The following AVL9 variants were observed in gnomAD, a reference collection of about 807,000 sequenced individuals.
AVL9 encodes late secretory pathway protein AVL9 homolog.
AVL9 carries 49 observed loss-of-function variants against 79.2 expected under a neutral mutation model. That is an observed-to-expected ratio of 0.62 (90% CI 0.49 to 0.79). AVL9 has a LOEUF of 0.79. AVL9 is among the 30% of genes least tolerant of loss of function. AVL9 has a pLI of 0.00. For synonymous variants in AVL9, 299 were observed against 280.6 expected (o/e 1.07, Z -0.65); for missense variants, 682 against 776.8 (o/e 0.88, Z 1.45).
intron 4 of AVL9, 96 bp downstream of exon 4, chr7:32,549,014 A>C: frequency 1.3e-6 from 1 of 754,928 alleles, no homozygotes; most frequent in Non-Finnish European, 2.0e-6. Flanking sequence ...GATTTAAATG[A>C]CATATTAAAA....
chr7:32,580,713 T>TTG (rs35499747), intron 14 of AVL9, 89 bp from the exon 15 acceptor site: 444,877 of 721,486 alleles, frequency 0.62, 138,940 homozygotes, highest in Admixed American at 0.72. Context: ...AGAGTGACTA[T>TTG]TGTGTGTGTG....
intron 1 of AVL9, among the ~76,000 whole-genome samples, chr7:32,516,095 G>C (rs1375245353): frequency 3.9e-5 from 6 of 152,176 alleles, no homozygotes; most frequent in Admixed American, 3.9e-4. Context: ...GGAGTTTCAA[G>C]AGTCATGGGC....
At chr7:32,510,674 G>A (rs546084823) in intron 1 of AVL9, among the ~76,000 whole-genome samples, 80 of 132,300 alleles carry the variant, frequency 6.0e-4, no homozygotes, top group African/African-American at 2.1e-3. Context: ...TTTGTGAGCC[G>A]TCAGGTCTGG....
intron 1 of AVL9, among the ~76,000 whole-genome samples, chr7:32,501,438 T>G (rs908549176): frequency 4.6e-5 from 7 of 152,242 alleles, no homozygotes; most frequent in South Asian, 2.1e-4. Flanking sequence ...GAAACAAGAT[T>G]GCATTTTCTG....
At chr7:32,570,626 CT>C (rs71559238) in intron 11 of AVL9, among the ~76,000 whole-genome samples, 21,861 of 144,488 alleles carry the variant, frequency 0.15, 2,007 homozygotes, top group Middle Eastern at 0.22. Context: ...AATCTTTTTT[CT>C]TTTTTTTTTT....
chr7:32,524,304 T>C (rs1788305670), intron 1 of AVL9, among the ~76,000 whole-genome samples: 1 of 151,918 alleles, frequency 6.6e-6, no homozygotes, highest in African/African-American at 2.4e-5. Context: ...TCACCTGAGG[T>C]CAGGAGTTTA....
intron 4 of AVL9, 42 bp downstream of exon 4, chr7:32,548,960 G>A: frequency 7.5e-7 from 1 of 1,327,482 alleles, no homozygotes; most frequent in Non-Finnish European, 1.0e-6. Flanking sequence ...AAACCTTCAT[G>A]GCAGATCTTT....
At chr7:32,578,522 AT>A (rs1791200314) in intron 13 of AVL9, among the ~76,000 whole-genome samples, 1 of 152,198 alleles carries the variant, frequency 6.6e-6, no homozygotes, top group African/African-American at 2.4e-5. Context: ...AAAATAACAA[AT>A]GTGGCCAGGC....
At chr7:32,527,382 C>T (rs768805761) in intron 1 of AVL9, among the ~76,000 whole-genome samples, 19 of 152,100 alleles carry the variant, frequency 1.2e-4, no homozygotes, top group Non-Finnish European at 2.5e-4. Context: ...GCAGATAGTT[C>T]TATATGTCTT....
chr7:32,540,138 C>G (rs1789110182), intron 1 of AVL9, among the ~76,000 whole-genome samples: 1 of 152,182 alleles, frequency 6.6e-6, no homozygotes, highest in Non-Finnish European at 1.5e-5. Flanking sequence ...ATCTGACATT[C>G]TTTTTAACAG....
chr7:32,496,685 C>T (rs2128108106), intron 1 of AVL9, among the ~76,000 whole-genome samples: 1 of 152,276 alleles, frequency 6.6e-6, no homozygotes, highest in African/African-American at 2.4e-5. Flanking sequence ...TAATTGCCAC[C>T]ACTAGCTAAT....
chr7:32,565,596 C>G (rs1290063659), intron 10 of AVL9, among the ~76,000 whole-genome samples: 1 of 150,946 alleles, frequency 6.6e-6, no homozygotes, highest in African/African-American at 2.4e-5. Flanking sequence ...TACCTCAATG[C>G]AATTATTGTC....
intron 2 of AVL9, among the ~76,000 whole-genome samples, chr7:32,544,377 C>T (rs1789371356): frequency 6.6e-6 from 1 of 152,156 alleles, no homozygotes; most frequent in African/African-American, 2.4e-5. Context: ...TCGTGTGTTG[C>T]TGTTGGCTTT....
chr7:32,540,873 T>A (rs1381207636), intron 1 of AVL9, among the ~76,000 whole-genome samples: 2 of 2,916 alleles, frequency 6.9e-4, no homozygotes, highest in Non-Finnish European at 1.7e-3. Context: ...TTGTACTACT[T>A]TTTTTTTTTT....
At chr7:32,524,253 C>T (rs1387283414) in intron 1 of AVL9, among the ~76,000 whole-genome samples, 4 of 152,036 alleles carry the variant, frequency 2.6e-5, no homozygotes, top group African/African-American at 4.8e-5. Flanking sequence ...CGGTGGCTCA[C>T]GCCTGTAATC....
chr7:32,524,721 T>A (rs1187922247), intron 1 of AVL9, among the ~76,000 whole-genome samples: 1 of 152,146 alleles, frequency 6.6e-6, no homozygotes, highest in African/African-American at 2.4e-5. Context: ...GGTTAGAAGC[T>A]GCAGTGCTAG....
chr7:32,579,023 A>G (rs537670598), intron 13 of AVL9, among the ~76,000 whole-genome samples: 32 of 151,908 alleles, frequency 2.1e-4, no homozygotes, highest in African/African-American at 7.2e-4. Flanking sequence ...CCGTATTTCA[A>G]TCCTGTGATT....
At chr7:32,503,489 C>T (rs1174614643) in intron 1 of AVL9, among the ~76,000 whole-genome samples, 4 of 139,080 alleles carry the variant, frequency 2.9e-5, no homozygotes, top group Non-Finnish European at 6.1e-5. Flanking sequence ...ACCTGGGAGG[C>T]AGAGGTTGCA....
At chr7:32,512,718 G>A (rs1448771808) in intron 1 of AVL9, among the ~76,000 whole-genome samples, 1 of 152,188 alleles carries the variant, frequency 6.6e-6, no homozygotes, top group African/African-American at 2.4e-5. Flanking sequence ...GCCCCAAAGA[G>A]CTGAAGAAAG....
Sources: gnomAD v4.1 joint callset for allele counts (sites outside exome capture counted in the v4.1 genomes callset) on GRCh38, gnomAD v4.1.1 for gene constraint, MANE v1.5 for transcripts, NCBI Gene and HGNC (gene_info 2026-07-23, HGNC 2026-07-21) for gene names.